The following HERC1 variants were observed in gnomAD, a reference collection of about 807,000 sequenced individuals.
The protein encoded by HERC1 is probable E3 ubiquitin-protein ligase HERC1.
Under a neutral mutation model 554.3 loss-of-function variants are expected in HERC1, and 160 were observed. The observed-to-expected ratio is 0.29, with a 90% CI of 0.25 to 0.33. The LOEUF is 0.33. HERC1 is among the 10% of genes least tolerant of loss of function. HERC1 has a pLI of 1.00. For synonymous variants in HERC1, 2,175 were observed against 2,131.7 expected (o/e 1.02, Z -0.56); for missense variants, 4,919 against 5,918.5 (o/e 0.83, Z 5.54).
At chr15:63,737,867 G>A (rs1373754669) in intron 12 of HERC1, among the ~76,000 whole-genome samples, 4 of 152,060 alleles carry the variant, frequency 2.6e-5, no homozygotes, top group African/African-American at 9.7e-5. Flanking sequence ...AAAACTAGAA[G>A]ACAATGAAGC....
chr15:63,707,086 T>C (rs1321065083), intron 24 of HERC1, among the ~76,000 whole-genome samples: 1 of 152,226 alleles, frequency 6.6e-6, no homozygotes, highest in Non-Finnish European at 1.5e-5. Context: ...GCAGTAGTTT[T>C]TGTTACCTTT....
chr15:63,775,159 A>T lies in HERC1; in HGVS notation c.465T>A (p.Asp155Glu). 1 of 1,614,034 alleles carries T rather than the reference A, an allele frequency of 6.2e-7. No individual in the cohort carries two copies. Among genetic ancestry groups the T allele is most frequent in the Non-Finnish European group, 8.5e-7 (1 of 1,179,894 alleles). ...TTCGAACACCCATTTCTATAAGTGC[A>T]TCAGTGCTTGACCGGGGGCGTTCAC... The part of the protein sequence containing the change: ...SVSERPRSST[D>E]ALIEMGVRTG... The change falls in exon 2 of 78, where the codon GAT (aspartate) becomes GAA (glutamate). Residue 155 changes from aspartate to glutamate, a missense_variant. Physicochemically the swap from Asp to Glu is conservative, Grantham distance 45. Transcript: ENST00000443617. The surrounding 1 kb of genome is among the most constrained non-coding windows in gnomAD (Gnocchi z 4.0).
chr15:63,674,933 G>T lies in HERC1; in HGVS notation c.7255C>A (p.Arg2419=), dbSNP rs1200784855. The T allele has an allele frequency of 3.7e-6, 6 of 1,613,966 alleles. No homozygotes were observed. The highest frequency in any genetic ancestry group is 4.2e-6 in the Non-Finnish European group (5 of 1,179,886). ...QSTKRHEKKH[R]HESEEKGDVE... ...TCCCCTTTCTCCTCGGATTCATGTC[G>T]GTGTTTCTTTTCATGTCGTTTGGTG... is the stretch of plus-strand genomic sequence containing the variant. The change falls in exon 38 of 78, where the codon CGA becomes AGA. Residue 2419 remains arginine (R), a synonymous_variant. Coordinates refer to ENST00000443617, the MANE Select transcript of HERC1 (RefSeq NM_003922.4).
chr15:63,803,410 T>C (rs986110556), intron 1 of HERC1, among the ~76,000 whole-genome samples: 4 of 152,076 alleles, frequency 2.6e-5, no homozygotes, highest in African/African-American at 9.6e-5. Context: ...GTGGTGTATA[T>C]CATGCTCTTT....
chr15:63,621,868 G>A (rs917903941), intron 74 of HERC1, among the ~76,000 whole-genome samples: 3 of 152,024 alleles, frequency 2.0e-5, no homozygotes, highest in African/African-American at 7.2e-5. Flanking sequence ...TCTCTGCATT[G>A]GTTATTCTAG....
intron 32 of HERC1, among the ~76,000 whole-genome samples, chr15:63,690,166 CAAAA>C (rs373716359): frequency 5.1e-5 from 4 of 77,854 alleles, no homozygotes; most frequent in Admixed American, 1.6e-4. Flanking sequence ...GACTCCATCT[CAAAA>C]AAAAAAAAAA....
At chr15:63,724,252 A>G (rs1030909452) in intron 18 of HERC1, among the ~76,000 whole-genome samples, 2 of 152,168 alleles carry the variant, frequency 1.3e-5, no homozygotes, top group Non-Finnish European at 2.9e-5. Context: ...CACAAGGTTA[A>G]ACACTGACAG....
Position 63,674,343 on chromosome 15 carries a change from T to C in HERC1, c.7845A>G (p.Gln2615=). ...LEDQFGGKIK[Q]EIDQQAEESD... is the part of the protein sequence containing the mutation. ...AAAAAAAAAAATCAGATAACATACCTTGCTTAATTTTGCCCCCAAACTGGT... is the reference window on the plus strand; with the variant it reads ...AAAAAAAAAAATCAGATAACATACCCTGCTTAATTTTGCCCCCAAACTGGT... The change falls in exon 38 of 78, where the codon CAA becomes CAG. Residue 2615 remains glutamine (Q), a splice_region_variant and synonymous_variant. Transcript: ENST00000443617. 2 of 1,591,444 alleles carry C rather than the reference T, an allele frequency of 1.3e-6. No individual in the cohort carries two copies. Among genetic ancestry groups the C allele is most frequent in the Non-Finnish European group, 1.7e-6 (2 of 1,168,732 alleles).
At chr15:63,689,151 T>G (rs2071958680) in intron 33 of HERC1, among the ~76,000 whole-genome samples, 1 of 152,192 alleles carries the variant, frequency 6.6e-6, no homozygotes, top group Non-Finnish European at 1.5e-5. Context: ...GAAAGCGTTT[T>G]GAAAATAACA....
At chr15:63,645,130 T>C (rs1162800142) in intron 56 of HERC1, 33 bp from the exon 57 acceptor site, 1 of 1,411,666 alleles carries the variant, frequency 7.1e-7, no homozygotes, top group African/African-American at 1.4e-5. Context: ...AACCAAAACA[T>C]GTCAATATGC....
At chr15:63,698,158 G>A (rs778543888) in intron 26 of HERC1, among the ~76,000 whole-genome samples, 1 of 152,092 alleles carries the variant, frequency 6.6e-6, no homozygotes, top group Non-Finnish European at 1.5e-5. Flanking sequence ...GTTCACACCT[G>A]TAATCTCAGC....
intron 1 of HERC1, among the ~76,000 whole-genome samples, chr15:63,818,073 T>C (rs1424750339): frequency 6.6e-6 from 1 of 152,010 alleles, no homozygotes; most frequent in Non-Finnish European, 1.5e-5. Flanking sequence ...CATGCTAAGC[T>C]CTCCTATATA....
In HERC1 at chr15:63,754,633, T is replaced by A. The variant is rs771836508; in HGVS notation, c.1646A>T (p.Asn549Ile). 1 of 1,613,086 alleles carries A rather than the reference T, an allele frequency of 6.2e-7. No individual in the cohort carries two copies. Among genetic ancestry groups the A allele is most frequent in the Non-Finnish European group, 8.5e-7 (1 of 1,179,574 alleles). ...DFGRLGHGDS[N>I]SRNIPTLVKD... ...TACTAATGTTGGAATGTTACGACTA[T>A]TGCTGTCACCATGACCTTGGATAAA... The change falls in exon 7 of 78, where the codon AAT becomes ATT. Residue 549 changes from asparagine to isoleucine, a missense_variant. Coordinates refer to ENST00000443617, the MANE Select transcript of HERC1 (RefSeq NM_003922.4).
At chr15:63,695,038 A>G (rs748777808) in intron 27 of HERC1, 144 bp from the exon 28 acceptor site, 3 of 655,410 alleles carry the variant, frequency 4.6e-6, no homozygotes, top group Non-Finnish European at 6.5e-6. Flanking sequence ...TATAAAGTAT[A>G]TAATAATTTT....
chr15:63,613,637 T>C (rs552186228), intron 76 of HERC1, among the ~76,000 whole-genome samples: 2 of 151,938 alleles, frequency 1.3e-5, no homozygotes, highest in East Asian at 3.9e-4. Flanking sequence ...TATCGTGTTG[T>C]ACACCTTAAA....
In HERC1 at chr15:63,775,473, G is replaced by A; in HGVS notation, c.151C>T (p.Pro51Ser). ...LVSNKEVVPL[P>S]QQVLCLKGPQ... The stretch of plus-strand genomic sequence containing the variant: ...CCTTTGAGGCATAAAACTTGTTGGG[G>A]CAAAGGTACTACTTCCTTATTGCTA... The change falls in exon 2 of 78, where the codon CCC becomes TCC. Residue 51 changes from proline to serine, a missense_variant. This residue lies in a region of HERC1 where 110 missense variants were observed against 99.3 expected (regional missense o/e 1.11). Transcript: ENST00000443617. This position sits in a 1 kb window ranked among gnomAD's most constrained non-coding sequence, Gnocchi z 4.0. The A allele has an allele frequency of 6.2e-7, 1 of 1,614,012 alleles. No homozygotes were observed. Among genetic ancestry groups the A allele is most frequent in the Non-Finnish European group, 8.5e-7 (1 of 1,179,888 alleles).
chr15:63,709,373 C>T (rs1397978332), intron 24 of HERC1, among the ~76,000 whole-genome samples: 1 of 151,932 alleles, frequency 6.6e-6, no homozygotes, highest in Non-Finnish European at 1.5e-5. Flanking sequence ...ACTAAGTGAA[C>T]AACCAGAAAA....
intron 60 of HERC1, 67 bp from the exon 61 acceptor site, chr15:63,640,512 G>T: frequency 7.9e-7 from 1 of 1,270,408 alleles, no homozygotes; most frequent in Non-Finnish European, 1.1e-6. Context: ...TTAACCTACC[G>T]TAGTCTGAAA....
chr15:63,829,470 GTT>G (rs1240723554), intron 1 of HERC1, among the ~76,000 whole-genome samples: 2 of 58,218 alleles, frequency 3.4e-5, no homozygotes, highest in African/African-American at 1.4e-4. Flanking sequence ...GCACATATAT[GTT>G]TATATAAATA....
Sources: allele counts gnomAD v4.1 joint callset (sites outside exome capture counted in the v4.1 genomes callset), GRCh38; gene constraint gnomAD v4.1.1; regional missense constraint gnomAD v4.1.1; non-coding constraint Gnocchi (gnomAD v3.1); transcripts MANE v1.5; gene names NCBI Gene and HGNC (gene_info 2026-07-23, HGNC 2026-07-21).